Variants in CLRN1 observed in about 807,000 individuals in gnomAD.
The protein encoded by CLRN1 is clarin 1, also known as clarin-1.
Under a neutral mutation model 18.7 loss-of-function variants are expected in CLRN1, and 15 were observed. That is an observed-to-expected ratio of 0.80 (90% CI 0.54 to 1.23). The LOEUF (loss-of-function observed/expected upper bound fraction) is 1.23. Among genes scored for constraint, CLRN1 ranks in the 50% most tolerant of loss-of-function variants. CLRN1 has a pLI of 0.00. For missense variants in CLRN1, 311 were observed against 277.5 expected, an observed-to-expected ratio of 1.12 and a Z score of -0.86; for synonymous variants, 104 against 102.9, an observed-to-expected ratio of 1.01 and a Z score of -0.07.
upstream of CLRN1, chr3:150,972,855 G>A (rs536632400): frequency 7.1e-6 from 8 of 1,126,458 alleles, no homozygotes; most frequent in South Asian, 9.3e-5. Flanking sequence ...GACGGTTCTC[G>A]CCAGGTTAAA....
intron 1 of CLRN1, among the ~76,000 whole-genome samples, chr3:150,969,908 G>A (rs796225792): frequency 2.6e-5 from 4 of 152,240 alleles, no homozygotes; most frequent in African/African-American, 9.6e-5. Context: ...CCCAGGAGGG[G>A]TAGTTGCAGT....
chr3:150,937,021 T>C (rs1576628816), intron 2 of CLRN1, among the ~76,000 whole-genome samples: 1 of 152,222 alleles, frequency 6.6e-6, no homozygotes, highest in East Asian at 1.9e-4. Flanking sequence ...GCAACTTGTT[T>C]ATCACCCTCA....
chr3:150,937,270 T>C (rs1576628922), intron 2 of CLRN1, among the ~76,000 whole-genome samples: 1 of 152,220 alleles, frequency 6.6e-6, no homozygotes, highest in Non-Finnish European at 1.5e-5. Flanking sequence ...ACAAGCTCCG[T>C]GAAGACAGCA....
intron 2 of CLRN1, among the ~76,000 whole-genome samples, chr3:150,929,602 A>T (rs765422677): frequency 6.6e-6 from 1 of 152,244 alleles, no homozygotes; most frequent in Non-Finnish European, 1.5e-5. Context: ...CATGATTTGC[A>T]TTTGGCTTTG....
intron 1 of CLRN1, chr3:150,945,575 A>G: frequency 1.6e-6 from 2 of 1,287,034 alleles, no homozygotes; most frequent in South Asian, 2.5e-5. Flanking sequence ...CTCTTCGTAA[A>G]TACAGAGGTG....
At chr3:150,945,197 A>T (rs1004857755) in intron 1 of CLRN1, among the ~76,000 whole-genome samples, 1 of 152,188 alleles carries the variant, frequency 6.6e-6, no homozygotes, top group Non-Finnish European at 1.5e-5. Context: ...TCCCAAGGAG[A>T]TGAACCCAGG....
chr3:150,944,105 C>T (rs917332537), intron 1 of CLRN1: 6 of 542,588 alleles, frequency 1.1e-5, no homozygotes, highest in African/African-American at 1.9e-5. Flanking sequence ...GAAAGTGAAA[C>T]GAGCTGACAC....
At position 150,927,777 on chromosome 3, in the gene CLRN1, CT is replaced by C. The variant is rs1355842982; in HGVS notation, c.*158del. On this transcript the variant is annotated 3_prime_UTR_variant, in exon 3 of 3. Transcript: ENST00000327047. ...CAAAGCCTTCCTTCTGCTTCCCTTACTTTCCAGCCTGTATCCTTAGTACGTA... is the reference window on the plus strand; with the variant it reads ...CAAAGCCTTCCTTCTGCTTCCCTTACTTCCAGCCTGTATCCTTAGTACGTA... 3 of 991,048 alleles carry C rather than the reference CT, an allele frequency of 3.0e-6. No individual in the cohort carries two copies. The highest frequency in any genetic ancestry group is 4.7e-6 in the Non-Finnish European group (3 of 644,226). The allele number at this position is 991,048 out of a possible 1,614,324, so 61.4% of individuals were successfully genotyped here. A position where few individuals can be genotyped will look rare whatever the true frequency, so the allele number is the denominator to read the frequency against.
At chr3:150,938,783 C>T (rs994639901) in intron 2 of CLRN1, among the ~76,000 whole-genome samples, 2 of 152,088 alleles carry the variant, frequency 1.3e-5, no homozygotes, top group African/African-American at 4.8e-5. Context: ...GTTTTTACAA[C>T]AAATTTGAAG....
intron 2 of CLRN1, among the ~76,000 whole-genome samples, chr3:150,940,770 T>G (rs1313281443): frequency 6.6e-6 from 1 of 152,220 alleles, no homozygotes; most frequent in Non-Finnish European, 1.5e-5. Flanking sequence ...CACTTGCAGA[T>G]AGTAAGCACC....
chr3:150,941,791 G>C (rs201781935), intron 1 of CLRN1, 30 bp from the exon 2 acceptor site: 2 of 1,600,530 alleles, frequency 1.2e-6, no homozygotes, highest in Admixed American at 1.7e-5. Context: ...AGGGTTAGAA[G>C]AAGTTTCATT....
At chr3:150,952,227 A>G (rs1170501066) in intron 1 of CLRN1, among the ~76,000 whole-genome samples, 4 of 152,216 alleles carry the variant, frequency 2.6e-5, no homozygotes, top group Admixed American at 6.5e-5. Context: ...AGCATTCGGT[A>G]GAAACCGCAC....
chr3:150,968,969 T>G (rs76667293), intron 1 of CLRN1, among the ~76,000 whole-genome samples: 9,517 of 152,042 alleles, frequency 0.063, 517 homozygotes, highest in East Asian at 0.15. Context: ...CATTTTCTTC[T>G]GCCTTCTCTT....
rs1559982077 is a variant in CLRN1, at chr3:150,940,594, G to C, written c.433+988C>G. ...GCTTTGTGTGAGTTGTTATCGTTCTGTATCCCTCCATGAAACCATCAATAA... is the reference window on the plus strand; with the variant it reads ...GCTTTGTGTGAGTTGTTATCGTTCTCTATCCCTCCATGAAACCATCAATAA... On this transcript the variant is annotated intron_variant, in intron 2 of 2. Transcript: ENST00000327047. 4.4e-6 allele frequency: 6 copies of C among 1,374,768 alleles called. No homozygotes were observed. The East Asian group carries it at 7.6e-5, about 17-fold the overall frequency. 85.2% of individuals were successfully genotyped at this position (1,374,768 alleles called of 1,614,324 possible). A position where few individuals can be genotyped will look rare whatever the true frequency, so the allele number is the denominator to read the frequency against.
intron 2 of CLRN1, among the ~76,000 whole-genome samples, chr3:150,933,574 T>G (rs1168705109): frequency 6.6e-6 from 1 of 152,102 alleles, no homozygotes; most frequent in Non-Finnish European, 1.5e-5. Flanking sequence ...GTGAGCTGTC[T>G]GTGTGTGTTT....
intron 2 of CLRN1, chr3:150,940,541 T>A (rs761218678): frequency 1.3e-6 from 2 of 1,533,448 alleles, no homozygotes; most frequent in South Asian, 2.4e-5. Context: ...AAAGAAACAG[T>A]CGAATAGAGA....
At chr3:150,972,825 GA>G, upstream of CLRN1, 1 of 1,442,384 alleles carries the variant, frequency 6.9e-7, no homozygotes. Flanking sequence ...GCTCCCAGCT[GA>G]AAAGGCAACT....
intron 1 of CLRN1, chr3:150,945,536 A>C: frequency 7.8e-7 from 1 of 1,287,102 alleles, no homozygotes. Flanking sequence ...TACATGAAAT[A>C]AGCTTAGTGC....
chr3:150,941,820 T>A, intron 1 of CLRN1, 59 bp from the exon 2 acceptor site: 1 of 1,447,530 alleles, frequency 6.9e-7, no homozygotes, highest in African/African-American at 1.4e-5. Context: ...TCTGCAAGTA[T>A]AATTTTAAAA....
Sources: gnomAD v4.1 joint callset for allele counts (sites outside exome capture counted in the v4.1 genomes callset) on GRCh38, gnomAD v4.1.1 for gene constraint, MANE v1.5 for transcripts, NCBI Gene and HGNC (gene_info 2026-07-23, HGNC 2026-07-21) for gene names.